The following DMD variants were observed in gnomAD, a reference collection of about 807,000 sequenced individuals.
DMD encodes dystrophin, also known as mutant dystrophin.
DMD carries 63 observed loss-of-function variants against 330.1 expected under a neutral mutation model. That is an observed-to-expected ratio of 0.19 (90% CI 0.16 to 0.24). The LOEUF is 0.24. Ranked by LOEUF, DMD falls within the 10% of genes least tolerant of loss-of-function variation. The pLI, the probability that DMD is intolerant of heterozygous loss-of-function variation, is 1.00. For synonymous variants in DMD, 1,223 were observed against 959.8 expected, an observed-to-expected ratio of 1.27 and a Z score of -5.07; for missense variants, 3,344 against 2,684.1, an observed-to-expected ratio of 1.25 and a Z score of -5.43.
chrX:32,955,883 G>A (rs1408463984), intron 2 of DMD, among the ~76,000 whole-genome samples: 1 of 111,696 alleles, frequency 9.0e-6, no homozygotes, highest in Non-Finnish European at 1.9e-5. Flanking sequence ...TCTCTGTTTT[G>A]TTCCATTGAT....
intron 41 of DMD, among the ~76,000 whole-genome samples, chrX:32,326,771 A>C (rs764429598): frequency 1.8e-5 from 2 of 109,808 alleles, no homozygotes; most frequent in Non-Finnish European, 3.8e-5. Flanking sequence ...GCCAGGCGTG[A>C]TGGCGGTTGC....
intron 1 of DMD, among the ~76,000 whole-genome samples, chrX:33,141,866 A>G (rs942773503): frequency 1.4e-4 from 16 of 111,937 alleles, no homozygotes; most frequent in African/African-American, 4.9e-4. Flanking sequence ...AAAGTGACTC[A>G]CAGCAGAGGA....
intron 2 of DMD, among the ~76,000 whole-genome samples, chrX:32,948,828 C>G (rs1337405115): frequency 9.0e-6 from 1 of 111,604 alleles, no homozygotes; most frequent in Non-Finnish European, 1.9e-5. Context: ...AATATTTATG[C>G]AGCATTTTAC....
intron 62 of DMD, among the ~76,000 whole-genome samples, chrX:31,316,307 G>A (rs2056007296): frequency 8.9e-6 from 1 of 112,287 alleles, no homozygotes; most frequent in Non-Finnish European, 1.9e-5. Flanking sequence ...GGTGAAATGA[G>A]TCAGCAAACT....
chrX:32,486,468 A>G (rs1367297645), intron 20 of DMD, among the ~76,000 whole-genome samples: 1 of 111,122 alleles, frequency 9.0e-6, no homozygotes, highest in Non-Finnish European at 1.9e-5. Flanking sequence ...TCTTTTGGAC[A>G]ATGACTTTCT....
chrX:31,383,862 G>C (rs918181437), intron 60 of DMD, among the ~76,000 whole-genome samples: 1 of 111,381 alleles, frequency 9.0e-6, no homozygotes, highest in African/African-American at 3.3e-5. Context: ...TCCTTTTCCT[G>C]CTGAGAGCCA....
intron 7 of DMD, among the ~76,000 whole-genome samples, chrX:32,779,759 C>A (rs928424980): frequency 1.9e-5 from 2 of 103,452 alleles, no homozygotes; most frequent in Non-Finnish European, 3.9e-5. Flanking sequence ...AGGAGATATA[C>A]CTAATGTTAA....
chrX:32,972,961 C>T (rs1428667653), intron 2 of DMD, among the ~76,000 whole-genome samples: 1 of 111,606 alleles, frequency 9.0e-6, no homozygotes, highest in African/African-American at 3.3e-5. Flanking sequence ...CCATGGAAGA[C>T]CAGAGTTCAC....
chrX:31,529,506 T>C (rs1311769101), intron 55 of DMD, among the ~76,000 whole-genome samples: 1 of 111,978 alleles, frequency 8.9e-6, no homozygotes, highest in East Asian at 2.8e-4. Context: ...GTCAATAAAA[T>C]GGGCAAAAGG....
At chrX:32,687,323 T>C (rs73456932) in intron 9 of DMD, among the ~76,000 whole-genome samples, 4,590 of 111,716 alleles carry the variant, frequency 0.041, 249 homozygotes, top group African/African-American at 0.14. Flanking sequence ...TTCTGACAGA[T>C]TGTATTTTTT....
At chrX:32,839,321 T>A (rs1027549772) in intron 4 of DMD, among the ~76,000 whole-genome samples, 1 of 111,733 alleles carries the variant, frequency 8.9e-6, no homozygotes, top group Non-Finnish European at 1.9e-5. Flanking sequence ...ACTCCCTTTC[T>A]CCAGGTCTCT....
chrX:31,878,686 C>T (rs1233061716), intron 47 of DMD, among the ~76,000 whole-genome samples: 1 of 112,155 alleles, frequency 8.9e-6, no homozygotes. Context: ...AAAAGGCCAA[C>T]AACCCAAAAG....
intron 44 of DMD, among the ~76,000 whole-genome samples, chrX:32,178,510 G>A (rs2096914087): frequency 9.2e-6 from 1 of 109,086 alleles, no homozygotes; most frequent in Non-Finnish European, 1.9e-5. Context: ...CAAAAATCTT[G>A]AATACACACT....
At chrX:31,366,079 T>C (rs956999850) in intron 60 of DMD, among the ~76,000 whole-genome samples, 5 of 111,999 alleles carry the variant, frequency 4.5e-5, no homozygotes, top group African/African-American at 1.6e-4. Flanking sequence ...TGTTAAGAAG[T>C]AGAGAACTCT....
chrX:32,784,199 C>A (rs894040593), intron 7 of DMD, among the ~76,000 whole-genome samples: 1 of 111,734 alleles, frequency 8.9e-6, no homozygotes, highest in African/African-American at 3.2e-5. Flanking sequence ...ATATATGTTA[C>A]CTTTATAGAG....
At chrX:32,269,092 A>C (rs2097355744) in intron 43 of DMD, among the ~76,000 whole-genome samples, 2 of 111,341 alleles carry the variant, frequency 1.8e-5, no homozygotes, top group Non-Finnish European at 3.8e-5. Context: ...GGAGTTGGGC[A>C]AATGGGCTCC....
chrX:32,509,005 C>G (rs1289346848), intron 18 of DMD, among the ~76,000 whole-genome samples: 1 of 108,606 alleles, frequency 9.2e-6, no homozygotes, highest in Non-Finnish European at 1.9e-5. Context: ...AGAGACGAGG[C>G]TTCATGGTGT....
intron 50 of DMD, among the ~76,000 whole-genome samples, chrX:31,780,044 A>C (rs1006872062): frequency 5.4e-5 from 6 of 111,617 alleles, no homozygotes; most frequent in African/African-American, 2.0e-4. Context: ...AAGTGTTTGA[A>C]GAACACTTCT....
At chrX:31,582,698 A>T (rs1245888964) in intron 55 of DMD, among the ~76,000 whole-genome samples, 1 of 112,043 alleles carries the variant, frequency 8.9e-6, no homozygotes, top group African/African-American at 3.2e-5. Context: ...TCACCCTAAG[A>T]AACAGAAAAC....
Sources: gnomAD v4.1 joint callset for allele counts (sites outside exome capture counted in the v4.1 genomes callset) on GRCh38, gnomAD v4.1.1 for gene constraint, MANE v1.5 for transcripts, NCBI Gene and HGNC (gene_info 2026-07-23, HGNC 2026-07-21) for gene names.